Variants in F13A1 observed in about 807,000 individuals in gnomAD.
The protein encoded by F13A1 is coagulation factor XIII A chain, also known as FSF, A subunit.
In F13A1, 47 loss-of-function variants were observed where a neutral mutation model predicts 80.1. The observed-to-expected ratio is 0.59, with a 90% CI of 0.46 to 0.75. The LOEUF is 0.75. F13A1 is among the 30% of genes least tolerant of loss of function. The pLI, the probability that F13A1 is intolerant of heterozygous loss-of-function variation, is 0.00. For synonymous variants in F13A1, 349 were observed against 344.9 expected, an observed-to-expected ratio of 1.01 and a Z score of -0.13; for missense variants, 817 against 930.4, an observed-to-expected ratio of 0.88 and a Z score of 1.59.
Position 6,305,436 on chromosome 6 carries a change from G to A in F13A1, c.234C>T (p.Arg78=), listed in dbSNP as rs775387064. Residue 78 remains arginine (R), a synonymous_variant, in exon 3 of 15, where the codon CGC becomes CGT. Coordinates refer to ENST00000264870, the MANE Select transcript of F13A1 (RefSeq NM_000129.4). ...DKYENNKLIV[R]RGQSFYVQID... ...TCTGCACATAGAAAGACTGCCCTCT[G>A]CGGACAATCAGCTTGTTGTTTTCAT... is the stretch of plus-strand genomic sequence containing the variant. 3.1e-6 allele frequency: 5 copies of A among 1,614,208 alleles called. No homozygotes were observed. The South Asian group carries it at 5.5e-5, about 18-fold the overall frequency.
At chr6:6,156,898 T>C (rs1294269125) in intron 13 of F13A1, among the ~76,000 whole-genome samples, 1 of 152,218 alleles carries the variant, frequency 6.6e-6, no homozygotes, top group East Asian at 1.9e-4. Context: ...AGATTTAAAA[T>C]GTTCCCATTA....
At chr6:6,205,973 C>T (rs1268779767) in intron 8 of F13A1, among the ~76,000 whole-genome samples, 1 of 152,180 alleles carries the variant, frequency 6.6e-6, no homozygotes, top group Non-Finnish European at 1.5e-5. Flanking sequence ...CCTTTTACCA[C>T]TCTGGCATAG....
At chr6:6,159,227 G>A (rs1218009206) in intron 13 of F13A1, among the ~76,000 whole-genome samples, 1 of 151,996 alleles carries the variant, frequency 6.6e-6, no homozygotes, top group Non-Finnish European at 1.5e-5. Flanking sequence ...TGTGTCCTCT[G>A]GGATAAAGTT....
At chr6:6,259,848 A>G (rs1561671140) in intron 4 of F13A1, among the ~76,000 whole-genome samples, 1 of 152,242 alleles carries the variant, frequency 6.6e-6, no homozygotes, top group Non-Finnish European at 1.5e-5. Context: ...AAGGTAACTG[A>G]TGCCCAATCA....
At chr6:6,228,753 A>AAG (rs1757311188) in intron 6 of F13A1, among the ~76,000 whole-genome samples, 1 of 150,880 alleles carries the variant, frequency 6.6e-6, no homozygotes. Context: ...AAAAAAAAAA[A>AAG]GCTGATCTTT....
intron 5 of F13A1, 51 bp from the exon 6 acceptor site, chr6:6,248,470 A>G: frequency 7.1e-7 from 1 of 1,415,476 alleles, no homozygotes; most frequent in Non-Finnish European, 9.9e-7. Flanking sequence ...TCTGCAAGCA[A>G]AATATTCTCT....
intron 13 of F13A1, among the ~76,000 whole-genome samples, chr6:6,164,866 C>T (rs1760639203): frequency 6.6e-6 from 1 of 151,286 alleles, no homozygotes; most frequent in Non-Finnish European, 1.5e-5. Flanking sequence ...CCCTCCCCTG[C>T]TATGACTCTG....
chr6:6,218,509 G>C (rs576100848), intron 8 of F13A1, among the ~76,000 whole-genome samples: 106 of 152,276 alleles, frequency 7.0e-4, no homozygotes, highest in African/African-American at 2.5e-3. Context: ...TCTGGGATCT[G>C]CTACTTTGCA....
intron 6 of F13A1, among the ~76,000 whole-genome samples, chr6:6,230,715 T>C (rs116766447): frequency 0.019 from 2,863 of 152,252 alleles, 41 homozygotes; most frequent in African/African-American, 0.03. Flanking sequence ...TCCACCGGAA[T>C]AGGCGCTATT....
At chr6:6,149,363 C>T (rs1301517266) in intron 14 of F13A1, among the ~76,000 whole-genome samples, 1 of 152,108 alleles carries the variant, frequency 6.6e-6, no homozygotes, top group Non-Finnish European at 1.5e-5. Flanking sequence ...GTAAAAAAAA[C>T]TTAAAAAGAG....
chr6:6,291,201 C>G (rs1758220256), intron 3 of F13A1, among the ~76,000 whole-genome samples: 1 of 152,122 alleles, frequency 6.6e-6, no homozygotes, highest in Non-Finnish European at 1.5e-5. Context: ...ACCTCTTTCT[C>G]GACAACCTTG....
chr6:6,229,866 G>A (rs1050469739), intron 6 of F13A1, among the ~76,000 whole-genome samples: 4 of 152,180 alleles, frequency 2.6e-5, no homozygotes, highest in South Asian at 2.1e-4. Flanking sequence ...AGAAGTTTCC[G>A]ACTTCACCTG....
chr6:6,252,381 A>T (rs3895270), intron 4 of F13A1, among the ~76,000 whole-genome samples: 69,908 of 152,014 alleles, frequency 0.46, 17,803 homozygotes, highest in African/African-American at 0.69. Context: ...ACAAACACAC[A>T]TAAACACATA....
Position 6,171,402 on chromosome 6 carries a change from AT to A in F13A1, c.1747+3177del, listed in dbSNP as rs1464711997. 3.9e-5 allele frequency among the ~76,000 whole-genome samples: 6 copies of A among 152,326 alleles called. No individual in the cohort carries two copies. The East Asian group carries it at 1.2e-3, about 29-fold the overall frequency. The stretch of plus-strand genomic sequence containing the variant: ...ACTAAGATTCTACCATGTGGCACAC[AT>A]TTCACATTCATCACTCATTTGGCTT... On this transcript the variant is annotated intron_variant, in intron 12 of 14. Coordinates refer to ENST00000264870, the MANE Select transcript of F13A1 (RefSeq NM_000129.4).
At chr6:6,145,904 A>G in intron 14 of F13A1, 132 bp from the exon 15 acceptor site, 1 of 1,207,946 alleles carries the variant, frequency 8.3e-7, no homozygotes, top group Non-Finnish European at 1.2e-6. Flanking sequence ...GAAGACTCTC[A>G]CTGGCTGATT....
At chr6:6,147,661 T>C (rs1018212402) in intron 14 of F13A1, among the ~76,000 whole-genome samples, 1 of 152,206 alleles carries the variant, frequency 6.6e-6, no homozygotes, top group Non-Finnish European at 1.5e-5. Flanking sequence ...CCTGAGACCA[T>C]GTACTGTAGA....
At chr6:6,170,322 G>A (rs563025350) in intron 12 of F13A1, among the ~76,000 whole-genome samples, 13 of 152,230 alleles carry the variant, frequency 8.5e-5, no homozygotes, top group African/African-American at 2.9e-4. Context: ...TCAGTATCAG[G>A]ACCCCTTTCT....
chr6:6,245,577 C>CT (rs538776834), intron 6 of F13A1, among the ~76,000 whole-genome samples: 63 of 152,264 alleles, frequency 4.1e-4, no homozygotes, highest in African/African-American at 1.4e-3. Context: ...GTTATCGGTG[C>CT]TTTTTTCAAC....
At chr6:6,172,491 G>A (rs1243877183) in intron 12 of F13A1, among the ~76,000 whole-genome samples, 1 of 149,122 alleles carries the variant, frequency 6.7e-6, no homozygotes, top group Non-Finnish European at 1.5e-5. Flanking sequence ...TGTCCCCCAG[G>A]CTGGAGTGCA....
Sources: allele counts gnomAD v4.1 joint callset (sites outside exome capture counted in the v4.1 genomes callset), GRCh38; gene constraint gnomAD v4.1.1; transcripts MANE v1.5; gene names NCBI Gene and HGNC (gene_info 2026-07-23, HGNC 2026-07-21).